The following LRMDA variants were observed in gnomAD, a reference collection of about 807,000 sequenced individuals.
LRMDA encodes the protein leucine rich melanocyte differentiation associated.
A neutral mutation model predicts 29.8 loss-of-function variants in LRMDA; 18 were observed. That is an observed-to-expected ratio of 0.60 (90% confidence interval 0.42 to 0.90). The LOEUF (loss-of-function observed/expected upper bound fraction) is 0.90, where lower values mean the gene tolerates loss of function less well. LRMDA is among the 40% of genes least tolerant of loss of function. LRMDA has a pLI of 0.00. For missense variants in LRMDA, 273 were observed against 273.9 expected (o/e 1.00, Z 0.02); for synonymous variants, 125 against 109.4 (o/e 1.14, Z -0.89).
Position 76,114,388 on chromosome 10 carries a change from G to A in LRMDA, c.516+55605G>A, listed in dbSNP as rs185470589. 8.5e-4 allele frequency among the ~76,000 whole-genome samples: 129 copies of A among 152,286 alleles called. 2 individuals carry two copies. In the Middle Eastern group the frequency reaches 0.01, roughly 12 times the overall value. ...GGAAACAAACATAACAACAGGGCAA[G>A]CCCTCATTCACCCCAAAATATCCAT... On this transcript the variant is annotated intron_variant, in intron 5 of 6. Coordinates refer to ENST00000611255, the MANE Select transcript of LRMDA (RefSeq NM_001305581.2).
intron 2 of LRMDA, among the ~76,000 whole-genome samples, chr10:75,845,774 T>C (rs940055099): frequency 6.6e-6 from 1 of 152,118 alleles, no homozygotes; most frequent in African/African-American, 2.4e-5. Context: ...TTCCTGTAAC[T>C]TGGATAGAGA....
At chr10:76,370,211 G>A (rs569541093) in intron 6 of LRMDA, among the ~76,000 whole-genome samples, 2 of 152,056 alleles carry the variant, frequency 1.3e-5, no homozygotes, top group East Asian at 1.9e-4. Flanking sequence ...TAATCAAAGA[G>A]ACCCTCCCCC....
At chr10:76,469,705 C>T (rs1040057749) in intron 6 of LRMDA, among the ~76,000 whole-genome samples, 3 of 152,006 alleles carry the variant, frequency 2.0e-5, no homozygotes, top group African/African-American at 7.3e-5. Context: ...CTAATAACTC[C>T]ATGAGAGCAA....
intron 1 of LRMDA, 78 bp downstream of exon 1, chr10:75,431,832 G>A: frequency 2.4e-5 from 30 of 1,239,018 alleles, no homozygotes; most frequent in Non-Finnish European, 2.9e-5. Flanking sequence ...AGGCTCCCCA[G>A]GGCCTAGACA....
intron 6 of LRMDA, among the ~76,000 whole-genome samples, chr10:76,525,377 A>G (rs908091140): frequency 6.6e-6 from 1 of 152,172 alleles, no homozygotes; most frequent in Non-Finnish European, 1.5e-5. Flanking sequence ...AACCATGATG[A>G]CATCTCACCC....
intron 6 of LRMDA, among the ~76,000 whole-genome samples, chr10:76,383,420 T>C (rs1377780994): frequency 3.2e-3 from 134 of 42,520 alleles, no homozygotes; most frequent in African/African-American, 0.012. Flanking sequence ...CTTTTCTTTT[T>C]TTTTTTTTTT....
At chr10:75,655,772 G>A (rs529501625) in intron 2 of LRMDA, among the ~76,000 whole-genome samples, 22 of 152,318 alleles carry the variant, frequency 1.4e-4, no homozygotes, top group South Asian at 2.1e-4. Flanking sequence ...TTTGGGCCTC[G>A]CGGTGTCTCT....
chr10:75,757,111 AT>A (rs1843041319), intron 2 of LRMDA, among the ~76,000 whole-genome samples: 1 of 152,222 alleles, frequency 6.6e-6, no homozygotes, highest in Non-Finnish European at 1.5e-5. Context: ...GACAGCCACA[AT>A]GGGGAATTGG....
At chr10:76,074,286 A>G (rs1848922222) in intron 5 of LRMDA, among the ~76,000 whole-genome samples, 1 of 152,216 alleles carries the variant, frequency 6.6e-6, no homozygotes, top group Non-Finnish European at 1.5e-5. Context: ...CCCAAGTAGC[A>G]CTAAACCTAT....
At chr10:75,737,807 A>G (rs967699745) in intron 2 of LRMDA, among the ~76,000 whole-genome samples, 5 of 152,188 alleles carry the variant, frequency 3.3e-5, no homozygotes, top group Admixed American at 1.3e-4. Flanking sequence ...CTGTTCTGGA[A>G]CAGTCTTAAG....
intron 2 of LRMDA, among the ~76,000 whole-genome samples, chr10:75,440,022 C>T (rs1430104791): frequency 1.3e-5 from 2 of 151,250 alleles, no homozygotes; most frequent in African/African-American, 4.9e-5. Context: ...GGCTGGACCC[C>T]GTGAGGGAGC....
rs1841903762 is a variant in LRMDA at position 75,672,517 on chromosome 10, TTTCTTTTCCTCCCCTCCCCTCCCCTC to T, written c.131+234024_131+234049del. Among the ~76,000 whole-genome samples, 150 of 36,678 alleles carry T rather than the reference TTTCTTTTCCTCCCCTCCCCTCCCCTC, an allele frequency of 4.1e-3. 10 individuals are homozygous for T. Among genetic ancestry groups the T allele is most frequent in the East Asian group, 0.013 (8 of 630 alleles). The allele number at this position is 36,678 out of a possible 152,430, so 24.1% of individuals were successfully genotyped here. On this transcript the variant is annotated intron_variant, in intron 2 of 6. Coordinates refer to ENST00000611255, the MANE Select transcript of LRMDA (RefSeq NM_001305581.2). ...CTAAGACACTTCCTTGTATTTTTCT[TTTCTTTTCCTCCCCTCCCCTCCCCTC>T]CCCTCCCCTCCCCTCCCCTCCCCTT...
chr10:76,060,411 T>A (rs1194530768), intron 5 of LRMDA, among the ~76,000 whole-genome samples: 4 of 152,174 alleles, frequency 2.6e-5, no homozygotes, highest in Non-Finnish European at 5.9e-5. Context: ...GGTGCACAGA[T>A]CTACAAGTGT....
chr10:76,494,946 T>A (rs920116239), intron 6 of LRMDA, among the ~76,000 whole-genome samples: 3 of 151,930 alleles, frequency 2.0e-5, no homozygotes, highest in Non-Finnish European at 4.4e-5. Context: ...ATATTCTTTG[T>A]CTTTGTATCT....
chr10:76,545,224 G>A (rs1050613331), intron 6 of LRMDA, among the ~76,000 whole-genome samples: 1 of 148,924 alleles, frequency 6.7e-6, no homozygotes, highest in African/African-American at 2.5e-5. Flanking sequence ...AAACAAGAAA[G>A]CAAATTGTCT....
intron 6 of LRMDA, among the ~76,000 whole-genome samples, chr10:76,476,385 C>T (rs1842671550): frequency 6.6e-6 from 1 of 151,912 alleles, no homozygotes; most frequent in Non-Finnish European, 1.5e-5. Flanking sequence ...CAAAAACAGG[C>T]TCTGAAATTG....
chr10:76,291,778 T>A lies in LRMDA; in HGVS notation c.517-32623T>A, dbSNP rs1351855323. ...TTAAGTGTTTTATTTTCTAACTCTATTGTTTTCACTACTTTTTAGTTTTCT... is the reference window on the plus strand; with the variant it reads ...TTAAGTGTTTTATTTTCTAACTCTAATGTTTTCACTACTTTTTAGTTTTCT... On this transcript the variant is annotated intron_variant, in intron 5 of 6. Transcript: ENST00000611255. Among the ~76,000 whole-genome samples, 3 of 152,218 alleles carry A rather than the reference T, an allele frequency of 2.0e-5. No individual in the cohort carries two copies. In the East Asian group the frequency reaches 5.8e-4, roughly 29 times the overall value.
At chr10:76,115,211 T>G (rs1849648323) in intron 5 of LRMDA, among the ~76,000 whole-genome samples, 2 of 152,236 alleles carry the variant, frequency 1.3e-5, no homozygotes. Flanking sequence ...TTACTATTGA[T>G]TAAACACAAG....
chr10:76,212,102 T>C (rs1047119893), intron 5 of LRMDA, among the ~76,000 whole-genome samples: 5 of 152,154 alleles, frequency 3.3e-5, no homozygotes, highest in African/African-American at 9.7e-5. Context: ...AAAGGAAACA[T>C]AGCCCAAGTC....
Sources: gnomAD v4.1 joint callset for allele counts (sites outside exome capture counted in the v4.1 genomes callset) on GRCh38, gnomAD v4.1.1 for gene constraint, MANE v1.5 for transcripts, NCBI Gene and HGNC (gene_info 2026-07-23, HGNC 2026-07-21) for gene names.